Variants in IMMP2L observed in about 807,000 individuals in gnomAD.
The protein encoded by IMMP2L is mitochondrial inner membrane protease subunit 2.
A neutral mutation model predicts 19.3 loss-of-function variants in IMMP2L; 18 were observed. That is an observed-to-expected ratio of 0.93 (90% CI 0.64 to 1.38). The LOEUF is 1.38. Ranked by LOEUF, IMMP2L falls within the 40% of genes most tolerant of loss-of-function variation. IMMP2L has a pLI of 0.00. For synonymous variants in IMMP2L, 76 were observed against 73.0 expected (o/e 1.04, Z -0.21); for missense variants, 233 against 218.2 (o/e 1.07, Z -0.43).
chr7:110,798,954 TG>T lies in IMMP2L; in HGVS notation c.408+87638del, dbSNP rs1158646752. 5.3e-5 allele frequency among the ~76,000 whole-genome samples: 8 copies of T among 152,150 alleles called. No individual in the cohort carries two copies. In the East Asian group the frequency reaches 1.6e-3, roughly 30 times the overall value. ...TAGAAAGGCTTTTCATGTGGTCCTT[TG>T]TTTTGCTGACTTTTGATAAAAACTA... On this transcript the variant is annotated intron_variant, in intron 5 of 5. Coordinates refer to ENST00000405709, the MANE Select transcript of IMMP2L (RefSeq NM_032549.4).
In IMMP2L at chr7:111,493,641, CT is replaced by C. The variant is rs750279947; in HGVS notation, c.136-6301del. 7.1e-4 allele frequency among the ~76,000 whole-genome samples: 108 copies of C among 151,326 alleles called. 1 individual carries two copies. The highest frequency in any genetic ancestry group is 1.3e-3 in the Non-Finnish European group (91 of 67,886). ...AACGGCGTGAACCCGGGAGGCGGAG[CT>C]TGCAGTGAGCGGAGATCGCGCCACT... On this transcript the variant is annotated intron_variant, in intron 2 of 5. Transcript: ENST00000405709.
chr7:111,080,537 T>C (rs1430573591), intron 3 of IMMP2L, among the ~76,000 whole-genome samples: 1 of 151,852 alleles, frequency 6.6e-6, no homozygotes, highest in Non-Finnish European at 1.5e-5. Context: ...ATTACATATG[T>C]GTGTATGTAT....
intron 5 of IMMP2L, among the ~76,000 whole-genome samples, chr7:110,699,100 G>T (rs1227725356): frequency 1.3e-5 from 2 of 151,982 alleles, no homozygotes; most frequent in Non-Finnish European, 2.9e-5. Context: ...CTAAAACTTG[G>T]CATCCACTGA....
chr7:111,337,699 A>G (rs1010713233), intron 3 of IMMP2L, among the ~76,000 whole-genome samples: 8 of 152,136 alleles, frequency 5.3e-5, no homozygotes, highest in African/African-American at 1.9e-4. Context: ...ATGGGCAGGT[A>G]GGCTGACAAA....
chr7:111,469,233 T>C (rs961147364), intron 3 of IMMP2L, among the ~76,000 whole-genome samples: 6 of 152,194 alleles, frequency 3.9e-5, no homozygotes, highest in Non-Finnish European at 5.9e-5. Context: ...GACTTGGCGA[T>C]GCGGGCTCTT....
At chr7:111,455,013 A>G (rs1225861491) in intron 3 of IMMP2L, among the ~76,000 whole-genome samples, 2 of 151,876 alleles carry the variant, frequency 1.3e-5, no homozygotes, top group Non-Finnish European at 2.9e-5. Context: ...AATATGCAAA[A>G]TATTAGTGGA....
chr7:110,851,111 G>A (rs888770186), intron 5 of IMMP2L, among the ~76,000 whole-genome samples: 1 of 152,086 alleles, frequency 6.6e-6, no homozygotes, highest in East Asian at 1.9e-4. Context: ...CTACTTGGTA[G>A]AGTATGAATG....
intron 3 of IMMP2L, among the ~76,000 whole-genome samples, chr7:111,402,744 T>C (rs1242724664): frequency 1.3e-5 from 2 of 151,816 alleles, no homozygotes; most frequent in Non-Finnish European, 2.9e-5. Flanking sequence ...CAATTTACTA[T>C]AAAATCAAAT....
intron 3 of IMMP2L, among the ~76,000 whole-genome samples, chr7:111,441,894 T>C (rs1383672949): frequency 2.6e-5 from 4 of 151,656 alleles, no homozygotes; most frequent in Admixed American, 2.6e-4. Flanking sequence ...ATCCCAGCAC[T>C]TTGGGAGGCC....
chr7:111,250,732 A>G (rs1816006805), intron 3 of IMMP2L, among the ~76,000 whole-genome samples: 1 of 152,154 alleles, frequency 6.6e-6, no homozygotes, highest in Non-Finnish European at 1.5e-5. Context: ...CCCCTTCCTT[A>G]TACCTTATAC....
intron 5 of IMMP2L, among the ~76,000 whole-genome samples, chr7:110,878,760 T>C (rs1160149703): frequency 3.3e-5 from 5 of 152,126 alleles, no homozygotes; most frequent in Non-Finnish European, 7.4e-5. Context: ...ATTTAGAATA[T>C]ATATGTAATT....
intron 3 of IMMP2L, among the ~76,000 whole-genome samples, chr7:111,035,710 A>T (rs1361268370): frequency 6.6e-6 from 1 of 152,218 alleles, no homozygotes; most frequent in Non-Finnish European, 1.5e-5. Flanking sequence ...AATGTTGCAC[A>T]TCACGTTAGA....
intron 3 of IMMP2L, among the ~76,000 whole-genome samples, chr7:111,040,083 T>C (rs1307195382): frequency 2.0e-5 from 3 of 152,124 alleles, no homozygotes; most frequent in Non-Finnish European, 4.4e-5. Flanking sequence ...GAGAATCACT[T>C]GAAGCCGGGA....
Position 111,078,670 on chromosome 7 carries a change from TC to T in IMMP2L, c.240-115106del, listed in dbSNP as rs575204616. Among the ~76,000 whole-genome samples, 234 of 152,244 alleles carry T rather than the reference TC, an allele frequency of 1.5e-3. 2 individuals carry two copies. The highest frequency in any genetic ancestry group is 5.3e-3 in the African/African-American group (222 of 41,566). On this transcript the variant is annotated intron_variant, in intron 3 of 5. Transcript: ENST00000405709. The stretch of plus-strand genomic sequence containing the variant: ...AAATGCTTTCTTCCCCATTTCTTTA[TC>T]CTTTTTGAGTTTTCAAAATTTTTTA...
chr7:111,071,548 A>T (rs2129575407), intron 3 of IMMP2L, among the ~76,000 whole-genome samples: 1 of 152,352 alleles, frequency 6.6e-6, no homozygotes, highest in Non-Finnish European at 1.5e-5. Flanking sequence ...ATACAATATT[A>T]TTCAGCCATA....
At chr7:110,673,853 C>T (rs961119373) in intron 5 of IMMP2L, among the ~76,000 whole-genome samples, 5 of 152,200 alleles carry the variant, frequency 3.3e-5, no homozygotes, top group Non-Finnish European at 4.4e-5. Flanking sequence ...ATCTTCCTGT[C>T]TTCTGAGCCC....
intron 3 of IMMP2L, among the ~76,000 whole-genome samples, chr7:111,454,378 T>C (rs930029011): frequency 1.3e-5 from 2 of 152,116 alleles, no homozygotes; most frequent in African/African-American, 4.8e-5. Context: ...TGAAAAAGTA[T>C]ATATTTTGTG....
In IMMP2L at chr7:111,073,714, G is replaced by A. The variant is rs148170799; in HGVS notation, c.240-110149C>T. Among the ~76,000 whole-genome samples, 799 of 152,208 alleles carry A rather than the reference G, an allele frequency of 5.2e-3. 4 individuals carry two copies. The highest frequency in any genetic ancestry group is 0.011 in the South Asian group (54 of 4,818). ...CCATTTCCCTTGAGAGGCATCTTCT[G>A]TTAACTCTCTTTTCCTGAAATAGAG... On this transcript the variant is annotated intron_variant, in intron 3 of 5. Transcript: ENST00000405709.
chr7:111,381,560 A>G (rs1041873955), intron 3 of IMMP2L, among the ~76,000 whole-genome samples: 10 of 152,060 alleles, frequency 6.6e-5, no homozygotes, highest in Admixed American at 4.6e-4. Flanking sequence ...CAGTACTTGT[A>G]TAGATGAAAA....
Sources: gnomAD v4.1 joint callset for allele counts (sites outside exome capture counted in the v4.1 genomes callset) on GRCh38, gnomAD v4.1.1 for gene constraint, MANE v1.5 for transcripts, NCBI Gene and HGNC (gene_info 2026-07-23, HGNC 2026-07-21) for gene names.